LINGO2: variants seen among roughly 807,000 people sequenced by gnomAD.
LINGO2 encodes the protein leucine-rich repeat and immunoglobulin-like domain-containing nogo receptor-interacting protein 2.
In LINGO2, 14 loss-of-function variants were observed where a neutral mutation model predicts 30.6. The ratio of observed to expected loss-of-function variants is 0.46; its 90% CI spans 0.30 to 0.72. The LOEUF (loss-of-function observed/expected upper bound fraction) is 0.72, where lower values mean the gene tolerates loss of function less well. Ranked by LOEUF, LINGO2 falls within the 30% of genes least tolerant of loss-of-function variation. The pLI is 0.07. For missense variants in LINGO2, 729 were observed against 751.7 expected (o/e 0.97, Z 0.35); for synonymous variants, 317 against 288.5 (o/e 1.10, Z -1.00).
chr9:28,427,634 T>C (rs1410070446), intron 2 of LINGO2, among the ~76,000 whole-genome samples: 1 of 152,158 alleles, frequency 6.6e-6, no homozygotes, highest in Non-Finnish European at 1.5e-5. Flanking sequence ...TCTAAACTTG[T>C]CTCTTCATCA....
intron 1 of LINGO2, among the ~76,000 whole-genome samples, chr9:28,589,952 C>T (rs1027538834): frequency 1.3e-5 from 2 of 152,078 alleles, no homozygotes; most frequent in African/African-American, 4.8e-5. Context: ...GAGACCAAAA[C>T]AGAGATATAG....
the LINGO2 span, among the ~76,000 whole-genome samples, chr9:29,191,432 T>C: frequency 2.0e-5 from 3 of 152,116 alleles, no homozygotes; most frequent in Middle Eastern, 3.2e-3. Context: ...AATATACATA[T>C]ACATTTTTTA....
At chr9:28,991,398 C>T in the LINGO2 span, among the ~76,000 whole-genome samples, 1,073 of 151,380 alleles carry the variant, frequency 7.1e-3, 19 homozygotes, top group African/African-American at 0.025. Context: ...ATTGGTGTAC[C>T]TGAAACTGAT....
chr9:28,932,849 T>C, the LINGO2 span, among the ~76,000 whole-genome samples: 1 of 152,100 alleles, frequency 6.6e-6, no homozygotes, highest in Non-Finnish European at 1.5e-5. Flanking sequence ...ACTACGCTTA[T>C]ATATAATTAC....
intron 1 of LINGO2, among the ~76,000 whole-genome samples, chr9:28,503,058 A>AATG (rs1159858311): frequency 6.6e-6 from 1 of 152,076 alleles, no homozygotes; most frequent in Non-Finnish European, 1.5e-5. Flanking sequence ...CTGCATCAGT[A>AATG]ATGAAAAAAT....
intron 4 of LINGO2, among the ~76,000 whole-genome samples, chr9:28,051,787 T>TAAAC: frequency 6.6e-6 from 1 of 152,108 alleles, no homozygotes; most frequent in African/African-American, 2.4e-5. Context: ...TAAGTTGATA[T>TAAAC]AAACAGATTT....
chr9:28,892,359 T>C, the LINGO2 span, among the ~76,000 whole-genome samples: 22 of 151,984 alleles, frequency 1.4e-4, no homozygotes, highest in Non-Finnish European at 2.9e-4. Context: ...AATTTATGTA[T>C]TGATTCATGC....
At chr9:27,994,775 G>A (rs914919591) in intron 5 of LINGO2, among the ~76,000 whole-genome samples, 35 of 152,240 alleles carry the variant, frequency 2.3e-4, no homozygotes, top group African/African-American at 7.5e-4. Flanking sequence ...GCAGGGAGGT[G>A]GTGGGGAAAG....
chr9:28,272,263 G>A (rs1355921197), intron 4 of LINGO2, among the ~76,000 whole-genome samples: 4 of 151,984 alleles, frequency 2.6e-5, no homozygotes, highest in African/African-American at 7.2e-5. Context: ...TTCCTCTTAC[G>A]CCAAAAATAC....
chr9:28,053,940 T>C (rs1378882027), intron 4 of LINGO2, among the ~76,000 whole-genome samples: 2 of 151,936 alleles, frequency 1.3e-5, no homozygotes, highest in South Asian at 2.1e-4. Context: ...GTAACAGATA[T>C]GGGGTAAAAA....
chr9:28,411,237 A>G (rs944651285), intron 2 of LINGO2, among the ~76,000 whole-genome samples: 6 of 152,106 alleles, frequency 3.9e-5, no homozygotes, highest in Non-Finnish European at 7.4e-5. Flanking sequence ...AGTGATATTT[A>G]ATAAACCACA....
the LINGO2 span, among the ~76,000 whole-genome samples, chr9:28,781,227 G>A: frequency 1.3e-5 from 2 of 152,018 alleles, no homozygotes; most frequent in East Asian, 3.9e-4. Flanking sequence ...ATCTGAGCTG[G>A]AAAGGCGTGA....
intron 3 of LINGO2, among the ~76,000 whole-genome samples, chr9:28,331,025 A>G (rs1825400304): frequency 6.6e-6 from 1 of 152,072 alleles, no homozygotes; most frequent in Non-Finnish European, 1.5e-5. Flanking sequence ...ACCTGTGTGA[A>G]GTTGACATTG....
the LINGO2 span, among the ~76,000 whole-genome samples, chr9:29,076,274 A>C: frequency 2.6e-5 from 4 of 152,074 alleles, no homozygotes; most frequent in African/African-American, 9.7e-5. Flanking sequence ...TAAGGTTATT[A>C]TGATTATTTC....
intron 1 of LINGO2, among the ~76,000 whole-genome samples, chr9:28,525,504 C>A (rs1056100768): frequency 6.6e-6 from 1 of 152,100 alleles, no homozygotes; most frequent in Non-Finnish European, 1.5e-5. Context: ...GAAGTAGTAA[C>A]ACATGCAGCA....
the LINGO2 span, among the ~76,000 whole-genome samples, chr9:29,201,284 G>A: frequency 5.3e-5 from 8 of 152,062 alleles, no homozygotes; most frequent in South Asian, 1.2e-3. Flanking sequence ...CAGCATGAAC[G>A]CATGGATATT....
chr9:28,906,643 A>G, the LINGO2 span, among the ~76,000 whole-genome samples: 1 of 151,916 alleles, frequency 6.6e-6, no homozygotes, highest in African/African-American at 2.4e-5. Flanking sequence ...ATTATATAAC[A>G]TCTACCAGAG....
intron 1 of LINGO2, among the ~76,000 whole-genome samples, chr9:28,507,212 A>AGAGT (rs1820178798): frequency 6.7e-6 from 1 of 148,882 alleles, no homozygotes; most frequent in African/African-American, 2.5e-5. Context: ...ATTTCAGAGG[A>AGAGT]GTGTGTGTGT....
intron 4 of LINGO2, among the ~76,000 whole-genome samples, chr9:28,271,134 C>T (rs964206572): frequency 6.6e-6 from 1 of 150,832 alleles, no homozygotes; most frequent in Non-Finnish European, 1.5e-5. Flanking sequence ...TTCCCCCTTG[C>T]TCTGTATTTA....
Sources: allele counts gnomAD v4.1 joint callset (sites outside exome capture counted in the v4.1 genomes callset), GRCh38; gene constraint gnomAD v4.1.1; transcripts MANE v1.5; gene names NCBI Gene and HGNC (gene_info 2026-07-23, HGNC 2026-07-21).